Variants in CTNNA3 observed in about 807,000 individuals in gnomAD.
The protein encoded by CTNNA3 is catenin alpha 3.
CTNNA3 carries 76 observed loss-of-function variants against 95.7 expected under a neutral mutation model. The observed-to-expected ratio is 0.79, with a 90% CI of 0.66 to 0.96. The LOEUF is 0.96. Among genes scored for constraint, CTNNA3 ranks in the 40% least tolerant of loss-of-function variants. The probability of loss-of-function intolerance (pLI) is 0.00; values close to 1 mark genes in which losing one functional copy is unlikely to be tolerated. For missense variants in CTNNA3, 1,191 were observed against 1,089.8 expected, an observed-to-expected ratio of 1.09 and a Z score of -1.31; for synonymous variants, 431 against 374.4, an observed-to-expected ratio of 1.15 and a Z score of -1.74.
chr10:66,826,950 A>G (rs1190147409), intron 7 of CTNNA3, among the ~76,000 whole-genome samples: 2 of 152,210 alleles, frequency 1.3e-5, no homozygotes, highest in Non-Finnish European at 2.9e-5. Flanking sequence ...AGACAGTGAC[A>G]TGACTTGTGT....
intron 10 of CTNNA3, among the ~76,000 whole-genome samples, chr10:66,574,833 A>T (rs573781772): frequency 1.3e-5 from 2 of 152,238 alleles, no homozygotes; most frequent in East Asian, 3.9e-4. Flanking sequence ...TCAAAAGAGG[A>T]TTCTTAGTCT....
chr10:66,839,015 C>A (rs1842965102), intron 7 of CTNNA3, among the ~76,000 whole-genome samples: 1 of 121,634 alleles, frequency 8.2e-6, no homozygotes, highest in South Asian at 2.9e-4. Context: ...TCGATGTATG[C>A]CAATACATTC....
intron 8 of CTNNA3, among the ~76,000 whole-genome samples, chr10:66,773,306 G>GT (rs1840170471): frequency 6.6e-6 from 1 of 152,098 alleles, no homozygotes; most frequent in Non-Finnish European, 1.5e-5. Flanking sequence ...GTTTTTGACT[G>GT]TTTTTTACTT....
chr10:66,790,330 T>A (rs1203294628), intron 7 of CTNNA3, among the ~76,000 whole-genome samples: 1 of 151,940 alleles, frequency 6.6e-6, no homozygotes, highest in African/African-American at 2.4e-5. Flanking sequence ...ACATCTGTAA[T>A]CCCAGCTACT....
At chr10:67,056,523 A>G (rs1855441199) in intron 7 of CTNNA3, among the ~76,000 whole-genome samples, 2 of 152,158 alleles carry the variant, frequency 1.3e-5, no homozygotes, top group Admixed American at 1.3e-4. Context: ...CTGTATCTGT[A>G]AACACTGTAC....
At chr10:65,979,698 T>C (rs924505322) in intron 16 of CTNNA3, among the ~76,000 whole-genome samples, 2 of 152,034 alleles carry the variant, frequency 1.3e-5, no homozygotes, top group Non-Finnish European at 2.9e-5. Flanking sequence ...CCTGAATAGA[T>C]AATCACCCTA....
chr10:66,890,479 A>T (rs1308616938), intron 7 of CTNNA3, among the ~76,000 whole-genome samples: 6 of 152,128 alleles, frequency 3.9e-5, no homozygotes, highest in African/African-American at 1.4e-4. Flanking sequence ...CAACAGAGAA[A>T]GTAGGCAATT....
intron 9 of CTNNA3, among the ~76,000 whole-genome samples, chr10:66,702,732 AAGT>A (rs3055636): frequency 0.018 from 2,483 of 134,282 alleles, 80 homozygotes; most frequent in East Asian, 0.16. Context: ...AAAAAAGAAT[AAGT>A]AGTAGTAGTA....
In CTNNA3 at chr10:66,331,734, G is replaced by A. The variant is rs184062567; in HGVS notation, c.1732+47418C>T. Reference sequence around the variant, plus strand: ...GTAGTATAGTTTGAAGTCAGGTAGCGTGATGCCTCTGGCTTTGTTCTTTTG... The same window carrying A: ...GTAGTATAGTTTGAAGTCAGGTAGCATGATGCCTCTGGCTTTGTTCTTTTG... On this transcript the variant is annotated intron_variant, in intron 12 of 17. Transcript: ENST00000433211. Among the ~76,000 whole-genome samples, 549 of 152,004 alleles carry A rather than the reference G, an allele frequency of 3.6e-3. 12 individuals carry two copies. In the East Asian group the frequency reaches 0.046, roughly 13 times the overall value.
At position 66,927,010 on chromosome 10, in the gene CTNNA3, C is replaced by A. The variant is rs372182192; in HGVS notation, c.1048-151486G>T. 3.1e-6 allele frequency: 5 copies of A among 1,613,938 alleles called. No homozygotes were observed. Among genetic ancestry groups the A allele is most frequent in the Non-Finnish European group, 3.4e-6 (4 of 1,180,026 alleles). On this transcript the variant is annotated intron_variant, in intron 7 of 17. Transcript: ENST00000433211. The surrounding 1 kb of genome is among the most constrained non-coding windows in gnomAD (Gnocchi z 4.7). ...ACTGACAATGCTTTCTTCTGCCGAA[C>A]GAGGATGCCCTAAGGGCTGTAGGTG...
chr10:67,274,425 C>A (rs2132426112), intron 5 of CTNNA3, among the ~76,000 whole-genome samples: 1 of 152,172 alleles, frequency 6.6e-6, no homozygotes, highest in South Asian at 2.1e-4. Flanking sequence ...TCCACGACCT[C>A]AATAGCATAA....
chr10:65,956,225 A>C (rs1184869059), intron 17 of CTNNA3, among the ~76,000 whole-genome samples: 2 of 152,104 alleles, frequency 1.3e-5, no homozygotes, highest in African/African-American at 4.8e-5. Context: ...CTGTGGGATA[A>C]GTGGTGAGAT....
chr10:66,691,578 G>A (rs1847540175), intron 9 of CTNNA3, among the ~76,000 whole-genome samples: 1 of 152,176 alleles, frequency 6.6e-6, no homozygotes, highest in Admixed American at 6.5e-5. Context: ...AGACTTAAAT[G>A]TCCCTCTCTG....
chr10:66,109,275 G>C lies in CTNNA3; in HGVS notation c.1885-6026C>G, dbSNP rs2082027603. Among the ~76,000 whole-genome samples, 2 of 152,154 alleles carry C rather than the reference G, an allele frequency of 1.3e-5. 1 individual carries two copies. Among genetic ancestry groups the C allele is most frequent in the South Asian group, 4.1e-4 (2 of 4,832 alleles). On this transcript the variant is annotated intron_variant, in intron 13 of 17. Coordinates refer to ENST00000433211, the MANE Select transcript of CTNNA3 (RefSeq NM_013266.4). ...GGTCGGTGAGACTCCCTGACATCTTGATGCAGCCCAAGCCTCCAGAGACAG... is the reference window on the plus strand; with the variant it reads ...GGTCGGTGAGACTCCCTGACATCTTCATGCAGCCCAAGCCTCCAGAGACAG...
intron 11 of CTNNA3, among the ~76,000 whole-genome samples, chr10:66,421,897 G>GAGATATATATATATATATATATATAT (rs2093197310): frequency 9.2e-6 from 1 of 108,150 alleles, no homozygotes. Context: ...TAATAAATGT[G>GAGATATATATATATATATATATATAT]ATATATATAT....
At chr10:65,988,939 GT>G in intron 15 of CTNNA3, 142 bp from the exon 16 acceptor site, 1 of 595,392 alleles carries the variant, frequency 1.7e-6, no homozygotes, top group Non-Finnish European at 2.9e-6. Context: ...AACGGCTATT[GT>G]TTTTGTGATT....
At position 66,550,308 on chromosome 10, in the gene CTNNA3, T is replaced by C. The variant is rs184621707; in HGVS notation, c.1375-29535A>G. Among the ~76,000 whole-genome samples, 44 of 152,328 alleles carry C rather than the reference T, an allele frequency of 2.9e-4. No homozygotes were observed. In the South Asian group the frequency reaches 5.4e-3, roughly 19 times the overall value. On this transcript the variant is annotated intron_variant, in intron 10 of 17. Coordinates refer to ENST00000433211, the MANE Select transcript of CTNNA3 (RefSeq NM_013266.4). ...ATTTTCTTTTTACTTACCTTCAGTC[T>C]GTCTTTATAGATCTGTATCTTTATA...
At chr10:67,353,013 A>G (rs1168240038) in intron 5 of CTNNA3, among the ~76,000 whole-genome samples, 1 of 152,042 alleles carries the variant, frequency 6.6e-6, no homozygotes, top group Non-Finnish European at 1.5e-5. Context: ...TAAGTGTCAC[A>G]TCTTTGAGGG....
chr10:66,617,482 C>A (rs1334246901), intron 10 of CTNNA3, among the ~76,000 whole-genome samples: 2 of 152,076 alleles, frequency 1.3e-5, no homozygotes, highest in East Asian at 1.9e-4. Flanking sequence ...TCAATAGATG[C>A]AGAAAAGGCC....
Sources: allele counts gnomAD v4.1 joint callset (sites outside exome capture counted in the v4.1 genomes callset), GRCh38; gene constraint gnomAD v4.1.1; non-coding constraint Gnocchi (gnomAD v3.1); transcripts MANE v1.5; gene names NCBI Gene and HGNC (gene_info 2026-07-23, HGNC 2026-07-21).